Variants in DNAH7 observed in about 807,000 individuals in gnomAD.
The protein encoded by DNAH7 is dynein axonemal heavy chain 7.
A neutral mutation model predicts 444.6 loss-of-function variants in DNAH7; 397 were observed. The observed-to-expected ratio is 0.89, with a 90% CI of 0.82 to 0.97. DNAH7 has a LOEUF of 0.97. DNAH7 is among the 50% of genes least tolerant of loss of function. The probability of loss-of-function intolerance (pLI) is 0.00; values close to 1 mark genes in which losing one functional copy is unlikely to be tolerated. For synonymous variants in DNAH7, 1,636 were observed against 1,624.4 expected, an observed-to-expected ratio of 1.01 and a Z score of -0.17; for missense variants, 4,902 against 4,800.8, an observed-to-expected ratio of 1.02 and a Z score of -0.62.
chr2:195,865,867 G>A (rs574244683), intron 40 of DNAH7, among the ~76,000 whole-genome samples: 2 of 152,062 alleles, frequency 1.3e-5, no homozygotes, highest in African/African-American at 4.8e-5. Flanking sequence ...GCATTAAAGC[G>A]CTCTCTCCCT....
intron 63 of DNAH7, among the ~76,000 whole-genome samples, chr2:195,752,057 G>A (rs927781183): frequency 4.6e-5 from 7 of 152,068 alleles, no homozygotes; most frequent in Non-Finnish European, 7.4e-5. Flanking sequence ...GATTCCTTGA[G>A]CTCAGGAGAC....
intron 61 of DNAH7, among the ~76,000 whole-genome samples, chr2:195,766,396 G>T (rs1351234756): frequency 1.3e-5 from 2 of 151,706 alleles, no homozygotes; most frequent in African/African-American, 4.8e-5. Flanking sequence ...TCAAACTCCT[G>T]ACCTCAGGTG....
At position 195,799,444 on chromosome 2, in the gene DNAH7, A is replaced by G. The variant is rs766822929; in HGVS notation, c.10205T>C (p.Ile3402Thr). ...AATGAATGCACGTCCCAATCTGTTG[A>G]TTATAAATTCCTGCAACATTGGAAT... is the stretch of plus-strand genomic sequence containing the variant. The part of the protein sequence containing the change: ...KVIPMLQEFI[I>T]NRLGRAFIEP... The change falls in exon 55 of 65, where the codon ATC (isoleucine) becomes ACC (threonine). Residue 3402 changes from isoleucine to threonine, a missense_variant. Ile to Thr is a moderately conservative substitution (Grantham distance 89, BLOSUM62 -1). Transcript: ENST00000312428. 2 of 1,600,204 alleles carry G rather than the reference A, an allele frequency of 1.2e-6. No individual in the cohort carries two copies. Among genetic ancestry groups the G allele is most frequent in the African/African-American group, 2.7e-5 (2 of 74,212 alleles).
At chr2:196,045,159 A>AG (rs1228675454) in intron 5 of DNAH7, among the ~76,000 whole-genome samples, 57 of 147,102 alleles carry the variant, frequency 3.9e-4, no homozygotes, top group African/African-American at 1.4e-3. Context: ...GAGGAGGAGA[A>AG]GAAGGAGGAG....
At chr2:195,822,119 G>GA (rs1421869917) in intron 49 of DNAH7, among the ~76,000 whole-genome samples, 1 of 152,100 alleles carries the variant, frequency 6.6e-6, no homozygotes, top group Non-Finnish European at 1.5e-5. Flanking sequence ...GAGCAATTTG[G>GA]AAAACTCATT....
rs916752920 is a variant in DNAH7 at position 195,777,875 on chromosome 2, G to C, written c.10989C>G (p.Phe3663Leu). The C allele has an allele frequency of 2.5e-6, 4 of 1,614,190 alleles. No individual in the cohort carries two copies. Among genetic ancestry groups the C allele is most frequent in the Non-Finnish European group, 3.4e-6 (4 of 1,180,014 alleles). The change falls in exon 59 of 65, where the codon TTC becomes TTG. Residue 3663 changes from phenylalanine to leucine, a missense_variant. Coordinates refer to ENST00000312428, the MANE Select transcript of DNAH7 (RefSeq NM_018897.3). Reference protein sequence around the residue: ...RTLRSILNKFFNPELVENSDY... With the variant: ...RTLRSILNKFLNPELVENSDY... ...CTGAATTTTCAACTAATTCGGGATT[G>C]AAGAATTTGTTTAGAATGCTGCGCA...
At chr2:195,847,794 G>A (rs1476358263) in intron 46 of DNAH7, among the ~76,000 whole-genome samples, 1 of 152,092 alleles carries the variant, frequency 6.6e-6, no homozygotes, top group African/African-American at 2.4e-5. Flanking sequence ...TAGGAGAGAC[G>A]GAAAACTTTT....
intron 63 of DNAH7, among the ~76,000 whole-genome samples, chr2:195,748,455 T>C (rs1028775583): frequency 1.3e-5 from 2 of 152,168 alleles, no homozygotes; most frequent in Non-Finnish European, 2.9e-5. Context: ...AAGCTACCAA[T>C]GACTTTCTTC....
Position 196,047,491 on chromosome 2 carries a change from T to C in DNAH7, c.259A>G (p.Met87Val), listed in dbSNP as rs574571608. 9 of 1,583,810 alleles carry C rather than the reference T, an allele frequency of 5.7e-6. No homozygotes were observed. In the African/African-American group the frequency reaches 1.1e-4, roughly 19 times the overall value. ...VKNEQSHAEY[M>V]ERFGKKGKLP... Reference sequence around the variant, plus strand: ...TTGCCCTTTTTTCCAAAACGTTCCATGTATTCAGCTTAAATTAAAACAAAA... The same window carrying C: ...TTGCCCTTTTTTCCAAAACGTTCCACGTATTCAGCTTAAATTAAAACAAAA... The change falls in exon 5 of 65, where the codon ATG becomes GTG. Residue 87 changes from methionine (M) to valine (V), a missense_variant. Coordinates refer to ENST00000312428, the MANE Select transcript of DNAH7 (RefSeq NM_018897.3).
intron 17 of DNAH7, among the ~76,000 whole-genome samples, chr2:195,964,253 A>C (rs1691310462): frequency 6.6e-6 from 1 of 152,168 alleles, no homozygotes; most frequent in Non-Finnish European, 1.5e-5. Context: ...ACATTTTAAC[A>C]ATATTGATTC....
intron 64 of DNAH7, among the ~76,000 whole-genome samples, chr2:195,738,519 A>AT (rs957034522): frequency 2.0e-5 from 3 of 152,118 alleles, no homozygotes; most frequent in Non-Finnish European, 2.9e-5. Context: ...TTCTGAAGGG[A>AT]TTTTTATCAA....
chr2:195,811,034 A>G (rs1473658328), intron 51 of DNAH7, among the ~76,000 whole-genome samples: 2 of 152,338 alleles, frequency 1.3e-5, no homozygotes, highest in Middle Eastern at 3.4e-3. Flanking sequence ...TAATCATATT[A>G]TAAGTTCAGG....
chr2:195,852,115 A>G (rs891717675), intron 46 of DNAH7, among the ~76,000 whole-genome samples: 6 of 152,072 alleles, frequency 3.9e-5, no homozygotes, highest in South Asian at 2.1e-4. Context: ...AAAATTAGCC[A>G]GGCGTGGTGG....
intron 28 of DNAH7, among the ~76,000 whole-genome samples, chr2:195,898,102 T>C (rs572991138): frequency 6.6e-6 from 1 of 152,368 alleles, no homozygotes; most frequent in South Asian, 2.1e-4. Flanking sequence ...TATTCATGAC[T>C]AGCAGTAGAC....
intron 19 of DNAH7, among the ~76,000 whole-genome samples, chr2:195,954,159 T>C (rs13392331): frequency 0.056 from 8,528 of 152,240 alleles, 381 homozygotes; most frequent in African/African-American, 0.13. Context: ...GTATATCTCC[T>C]AATGCTATCC....
rs1228485554 is a variant in DNAH7 at position 195,957,548 on chromosome 2, TG to T, written c.2892-102del. On this transcript the variant is annotated intron_variant, in intron 18 of 64. Coordinates refer to ENST00000312428, the MANE Select transcript of DNAH7 (RefSeq NM_018897.3). The stretch of plus-strand genomic sequence containing the variant: ...ACTAGGTTGTCAATGTTGTATATAA[TG>T]TTATACAATTGTTATACATTATATA... The T allele has an allele frequency of 3.0e-4, 232 of 772,966 alleles. 1 individual carries two copies. In the African/African-American group the frequency reaches 4.5e-3, roughly 15 times the overall value. The allele number at this position is 772,966 out of a possible 1,614,324, so 47.9% of individuals were successfully genotyped here.
At chr2:195,986,515 A>G (rs1692918860) in intron 14 of DNAH7, among the ~76,000 whole-genome samples, 1 of 152,192 alleles carries the variant, frequency 6.6e-6, no homozygotes, top group African/African-American at 2.4e-5. Context: ...AGTTGTTGGA[A>G]GACTAGTTCT....
At chr2:195,990,775 TTGTGTGTGTGTG>T (rs140976714) in intron 12 of DNAH7, among the ~76,000 whole-genome samples, 15 of 132,948 alleles carry the variant, frequency 1.1e-4, no homozygotes, top group African/African-American at 3.5e-4. Flanking sequence ...TATAGCTTTG[TTGTGTGTGTGTG>T]TGTGTGTGTG....
intron 47 of DNAH7, among the ~76,000 whole-genome samples, chr2:195,841,678 T>G (rs1574538132): frequency 2.7e-5 from 1 of 37,688 alleles, no homozygotes; most frequent in African/African-American, 6.8e-5. Context: ...TTATTTTGTA[T>G]TTTTTTTTTA....
Sources: gnomAD v4.1 joint callset for allele counts (sites outside exome capture counted in the v4.1 genomes callset) on GRCh38, gnomAD v4.1.1 for gene constraint, MANE v1.5 for transcripts, NCBI Gene and HGNC (gene_info 2026-07-23, HGNC 2026-07-21) for gene names.